TULP4: variants seen among roughly 807,000 people sequenced by gnomAD.
TULP4 encodes the protein TUB like protein 4, also known as tubby-related protein 4.
A neutral mutation model predicts 129.0 loss-of-function variants in TULP4; 16 were observed. The ratio of observed to expected loss-of-function variants is 0.12; its 90% CI spans 0.08 to 0.19. TULP4 has a LOEUF of 0.19. Ranked by LOEUF, TULP4 falls within the 10% of genes least tolerant of loss-of-function variation. The pLI, the probability that TULP4 is intolerant of heterozygous loss-of-function variation, is 1.00. For missense variants in TULP4, 1,842 were observed against 2,059.1 expected (o/e 0.89, Z 2.04); for synonymous variants, 998 against 854.0 (o/e 1.17, Z -2.94).
chr6:158,414,900 G>T (rs1778174372), intron 2 of TULP4, among the ~76,000 whole-genome samples: 1 of 152,204 alleles, frequency 6.6e-6, no homozygotes, highest in Non-Finnish European at 1.5e-5. Flanking sequence ...TAATAGAAGA[G>T]AAGAATCCAG....
intron 1 of TULP4, among the ~76,000 whole-genome samples, chr6:158,385,378 G>A (rs557673650): frequency 1.3e-5 from 2 of 152,176 alleles, no homozygotes; most frequent in Admixed American, 6.5e-5. Flanking sequence ...TACCATAGAT[G>A]ATAGTCCACA....
chr6:158,242,110 T>G (rs1231118052), intron 1 of TULP4: 1 of 849,012 alleles, frequency 1.2e-6, no homozygotes, highest in African/African-American at 1.7e-5. Flanking sequence ...TGTTTGACCC[T>G]GAAGCTGCAG....
Position 158,439,408 on chromosome 6 carries a change from C to A in TULP4, c.543+9511C>A, listed in dbSNP as rs9457375. Among the ~76,000 whole-genome samples the A allele has an allele frequency of 2.4e-3, 370 of 151,950 alleles. 5 individuals are homozygous for A. The highest frequency in any genetic ancestry group is 8.7e-3 in the African/African-American group (360 of 41,448). On this transcript the variant is annotated intron_variant, in intron 3 of 13. Transcript: ENST00000367097. ...CTGCCCTCCCAGAGCAGCTCTCACTCCTACACAGGGCACAGAGCAGCTTTC... is the reference window on the plus strand; with the variant it reads ...CTGCCCTCCCAGAGCAGCTCTCACTACTACACAGGGCACAGAGCAGCTTTC...
intron 5 of TULP4, among the ~76,000 whole-genome samples, chr6:158,458,137 A>G (rs1235217733): frequency 3.9e-5 from 6 of 152,190 alleles, no homozygotes; most frequent in Non-Finnish European, 5.9e-5. Context: ...TGCAATATAT[A>G]TGGTGCTTGA....
chr6:158,399,302 A>C (rs940774758), intron 1 of TULP4, among the ~76,000 whole-genome samples: 5 of 152,230 alleles, frequency 3.3e-5, no homozygotes, highest in Non-Finnish European at 5.9e-5. Flanking sequence ...GGAAGGAAGC[A>C]CTTGCCATTC....
chr6:158,428,884 C>T (rs1255936888), intron 2 of TULP4, among the ~76,000 whole-genome samples: 7 of 152,266 alleles, frequency 4.6e-5, no homozygotes, highest in South Asian at 2.1e-4. Flanking sequence ...TAATACCTTC[C>T]GCAGACTGTT....
chr6:158,331,757 G>GTATATATATATATATATA (rs1171180222), intron 1 of TULP4, among the ~76,000 whole-genome samples: 13 of 16,400 alleles, frequency 7.9e-4, no homozygotes, highest in Non-Finnish European at 1.3e-3. Flanking sequence ...GTATATACAC[G>GTATATATATATATATATA]TGTATATATA....
intron 1 of TULP4, among the ~76,000 whole-genome samples, chr6:158,367,923 C>A (rs1482623937): frequency 1.8e-4 from 25 of 139,616 alleles, no homozygotes; most frequent in South Asian, 2.3e-4. Context: ...ACAAATAATA[C>A]AAAAAAAAAA....
chr6:158,478,870 G>C (rs528348197), intron 6 of TULP4, among the ~76,000 whole-genome samples: 1 of 152,286 alleles, frequency 6.6e-6, no homozygotes, highest in East Asian at 1.9e-4. Flanking sequence ...CAAAGATAAT[G>C]ATGGCCATGA....
chr6:158,422,958 G>A (rs1778384602), intron 2 of TULP4, among the ~76,000 whole-genome samples: 1 of 152,232 alleles, frequency 6.6e-6, no homozygotes. Context: ...GTTTCTAATG[G>A]TCTGCATTTG....
chr6:158,371,171 A>G (rs954267988), intron 1 of TULP4, among the ~76,000 whole-genome samples: 2 of 152,252 alleles, frequency 1.3e-5, no homozygotes, highest in African/African-American at 2.4e-5. Flanking sequence ...GAGGAAAAAA[A>G]TATCGTTCTT....
intron 1 of TULP4, among the ~76,000 whole-genome samples, chr6:158,330,292 A>G (rs372683379): frequency 6.6e-6 from 1 of 152,258 alleles, no homozygotes; most frequent in Non-Finnish European, 1.5e-5. Flanking sequence ...GCAGAGCTCC[A>G]TGCTTACCCA....
At chr6:158,264,298 C>T (rs555440450) in intron 1 of TULP4, among the ~76,000 whole-genome samples, 1 of 152,232 alleles carries the variant, frequency 6.6e-6, no homozygotes, top group East Asian at 1.9e-4. Context: ...CTTAAATGAA[C>T]TTCAATTTGA....
intron 3 of TULP4, among the ~76,000 whole-genome samples, chr6:158,445,579 A>G (rs932000785): frequency 6.6e-6 from 1 of 152,138 alleles, no homozygotes; most frequent in African/African-American, 2.4e-5. Flanking sequence ...CAAGTTCAGA[A>G]TGCTGTGGGG....
chr6:158,291,020 T>C (rs971033333), intron 1 of TULP4, among the ~76,000 whole-genome samples: 13 of 152,228 alleles, frequency 8.5e-5, no homozygotes, highest in Non-Finnish European at 1.8e-4. Flanking sequence ...CAATGAGAAA[T>C]ATAGTACCTA....
At position 158,261,408 on chromosome 6, in the gene TULP4, C is replaced by T. The variant is rs557091317; in HGVS notation, n.68+29105C>T. On this transcript the variant is annotated intron_variant and non_coding_transcript_variant, in intron 1 of 1. Coordinates refer to the TULP4 transcript ENST00000620026. ...GTACACTTTTTCCTTTCAGCCATCA[C>T]GCTCTAGGGCTGAAGTTTTAGAGTA... Among the ~76,000 whole-genome samples, 8 of 152,298 alleles carry T rather than the reference C, an allele frequency of 5.3e-5. No individual in the cohort carries two copies. In the East Asian group the frequency reaches 1.2e-3, roughly 22 times the overall value.
At chr6:158,332,210 TATATATA>T (rs1779925824) in intron 1 of TULP4, among the ~76,000 whole-genome samples, 1 of 54,708 alleles carries the variant, frequency 1.8e-5, no homozygotes, top group African/African-American at 8.3e-5. Context: ...AATATATATA[TATATATA>T]TATATATATA....
In TULP4 at chr6:158,491,507, TC is replaced by T; in HGVS notation, c.1631+1776del. Reference sequence around the variant, plus strand: ...TTCTTTCTTTCTTTCTTTCTTTCTTTCTTTCTTTCTTGTCTCGCTCTGTTGC... The same window carrying T: ...TTCTTTCTTTCTTTCTTTCTTTCTTTTTTCTTTCTTGTCTCGCTCTGTTGC... On this transcript the variant is annotated intron_variant, in intron 9 of 13. Transcript: ENST00000367097. 9.8e-5 allele frequency among the ~76,000 whole-genome samples: 4 copies of T among 40,896 alleles called. No individual in the cohort carries two copies. The Admixed American group carries it at 1.1e-3, about 12-fold the overall frequency. 26.8% of individuals were successfully genotyped at this position (40,896 alleles called of 152,430 possible).
At position 158,511,698 on chromosome 6, in the gene TULP4, C is replaced by T. The variant is rs369458884; in HGVS notation, c.*5004C>T. 5.2e-5 allele frequency: 8 copies of T among 152,434 alleles called. No individual in the cohort carries two copies. The East Asian group carries it at 1.5e-3, about 29-fold the overall frequency. 9.4% of individuals were successfully genotyped at this position (152,434 alleles called of 1,614,324 possible). A position where few individuals can be genotyped will look rare whatever the true frequency, so the allele number is the denominator to read the frequency against. On this transcript the variant is annotated 3_prime_UTR_variant, in exon 14 of 14. Transcript: ENST00000367097. ...AGGCATTAATGGTTTGCATTCAAAA[C>T]GATGTGGTTTGTCCAAGTTATTTTC...
Sources: allele counts gnomAD v4.1 joint callset (sites outside exome capture counted in the v4.1 genomes callset), GRCh38; gene constraint gnomAD v4.1.1; transcripts MANE v1.5; gene names NCBI Gene and HGNC (gene_info 2026-07-23, HGNC 2026-07-21).